The following PROP1 variants were observed in gnomAD, a reference collection of about 807,000 sequenced individuals.
The protein encoded by PROP1 is homeobox protein prophet of Pit-1.
In PROP1, 12 loss-of-function variants were observed where a neutral mutation model predicts 22.3. The ratio of observed to expected loss-of-function variants is 0.54; its 90% CI spans 0.34 to 0.87. The LOEUF (loss-of-function observed/expected upper bound fraction) is 0.87. Among genes scored for constraint, PROP1 ranks in the 40% least tolerant of loss-of-function variants. The pLI is 0.01. For missense variants in PROP1, 278 were observed against 295.1 expected, an observed-to-expected ratio of 0.94 and a Z score of 0.43; for synonymous variants, 112 against 116.7, an observed-to-expected ratio of 0.96 and a Z score of 0.26.
chr5:177,992,920 TA>T lies in PROP1; in HGVS notation c.469del (p.Tyr157ThrfsTer8), dbSNP rs1772690589. The T allele has an allele frequency of 6.2e-7, 1 of 1,613,288 alleles. No individual in the cohort carries two copies. Among genetic ancestry groups the T allele is most frequent in the Non-Finnish European group, 8.5e-7 (1 of 1,179,862 alleles). On this transcript the variant is annotated frameshift_variant, in exon 3 of 3. Transcript: ENST00000308304. LOFTEE classifies it high-confidence loss of function. ...GGTCACTGGTGGTGGTGGTGCTGCG[TA>T]AGAATAGGGGCAAGCAGTGGACTCT... ...LPESTACPYS[Y>X]AAPPPPVTCF...
intron 2 of PROP1, 129 bp from the exon 3 acceptor site, chr5:177,993,176 C>G (rs1772697057): frequency 1.2e-6 from 1 of 839,918 alleles, no homozygotes. Flanking sequence ...AAAGCTCTTC[C>G]ACAAGGCTTG....
At chr5:177,993,368 C>T (rs1396114359) in intron 2 of PROP1, among the ~76,000 whole-genome samples, 4 of 152,106 alleles carry the variant, frequency 2.6e-5, no homozygotes, top group East Asian at 1.9e-4. Context: ...TTAAGTTTAA[C>T]GATTAAGACT....
At chr5:177,994,937 C>G (rs1755728128) in intron 1 of PROP1, among the ~76,000 whole-genome samples, 1 of 152,132 alleles carries the variant, frequency 6.6e-6, no homozygotes, top group South Asian at 2.1e-4. Flanking sequence ...TATTGCACTG[C>G]CAGACACATA....
chr5:177,993,519 G>A (rs1346204383), intron 2 of PROP1, among the ~76,000 whole-genome samples: 1 of 151,916 alleles, frequency 6.6e-6, no homozygotes, highest in East Asian at 1.9e-4. Context: ...GCTTCTGTAA[G>A]AATATGGACA....
In PROP1 at chr5:177,995,902, T is replaced by G; in HGVS notation, c.32A>C (p.Lys11Thr). Residue 11 changes from lysine to threonine, a missense_variant, in exon 1 of 3, where the codon AAG becomes ACG. Transcript: ENST00000308304. MEAERRRQAE[K>T]PKKGRVGSNL... ...GCTGCCGACTCGCCCCTTCTTTGGCTTCTCAGCCTGGCGCCTCCTTTCTGC... is the reference window on the plus strand; with the variant it reads ...GCTGCCGACTCGCCCCTTCTTTGGCGTCTCAGCCTGGCGCCTCCTTTCTGC... 6.2e-7 allele frequency: 1 copy of G among 1,614,048 alleles called. No homozygotes were observed. Among genetic ancestry groups the G allele is most frequent in the African/African-American group, 1.3e-5 (1 of 75,046 alleles).
intron 2 of PROP1, 25 bp downstream of exon 2, chr5:177,994,079 TGA>T (rs1356921801): frequency 5.0e-6 from 8 of 1,609,520 alleles, no homozygotes; most frequent in Non-Finnish European, 6.0e-6. Context: ...ATTTCTTTCC[TGA>T]GAGAGGAGGA....
intron 1 of PROP1, among the ~76,000 whole-genome samples, chr5:177,995,206 C>T (rs544135433): frequency 1.5e-3 from 224 of 152,280 alleles, no homozygotes; most frequent in Middle Eastern, 6.8e-3. Flanking sequence ...TTCATCTCCT[C>T]CCTACCCCTG....
chr5:177,994,750 G>A lies in PROP1; in HGVS notation c.110-412C>T, dbSNP rs73807329. On this transcript the variant is annotated intron_variant, in intron 1 of 2. Coordinates refer to ENST00000308304, the MANE Select transcript of PROP1 (RefSeq NM_006261.5). ...CCACCGCACCCAGCCCTGCCCCACC[G>A]GGAATCTTTTAGCTGCCATAGCCTG... 2.5e-3 allele frequency among the ~76,000 whole-genome samples: 376 copies of A among 152,088 alleles called. 3 individuals carry two copies. Among genetic ancestry groups the A allele is most frequent in the African/African-American group, 8.5e-3 (353 of 41,500 alleles).
At chr5:177,993,270 A>G (rs996072336) in intron 2 of PROP1, among the ~76,000 whole-genome samples, 4 of 152,188 alleles carry the variant, frequency 2.6e-5, no homozygotes, top group Admixed American at 6.5e-5. Context: ...CACTCGGGGC[A>G]AGTAAGAAGT....
chr5:177,992,970 A>G lies in PROP1; in HGVS notation c.420T>C (p.Pro140=), dbSNP rs1167319896. Residue 140 remains proline, a synonymous_variant, in exon 3 of 3, where the codon CCT becomes CCC. Transcript: ENST00000308304. ...CTGGCAAGAAGCTGGAAAAGGCGGC[A>G]GGAGACAGATGGGCCAGAGGCTGAA... ...SLLQPLAHLS[P]AAFSSFLPES... The G allele has an allele frequency of 6.2e-7, 1 of 1,613,962 alleles. No homozygotes were observed. Among genetic ancestry groups the G allele is most frequent in the Non-Finnish European group, 8.5e-7 (1 of 1,180,016 alleles).
Position 177,992,315 on chromosome 5 carries a change from A to T in PROP1, c.*394T>A, listed in dbSNP as rs1772657723. 2 of 196,894 alleles carry T rather than the reference A, an allele frequency of 1.0e-5. No homozygotes were observed. Among genetic ancestry groups the T allele is most frequent in the Non-Finnish European group, 2.1e-5 (2 of 96,786 alleles). 12.2% of individuals were successfully genotyped at this position (196,894 alleles called of 1,614,324 possible). The stretch of plus-strand genomic sequence containing the variant: ...GGGGTGGGCAATGGGGAAGGGATGT[A>T]TAGGTAGACTCTTAAGTCAGAAGCC... On this transcript the variant is annotated 3_prime_UTR_variant, in exon 3 of 3. Coordinates refer to ENST00000308304, the MANE Select transcript of PROP1 (RefSeq NM_006261.5).
intron 1 of PROP1, 122 bp from the exon 2 acceptor site, chr5:177,994,460 CAG>C: frequency 8.5e-6 from 7 of 820,428 alleles, no homozygotes; most frequent in Non-Finnish European, 1.3e-5. Flanking sequence ...TTTTTTGAGA[CAG>C]AGTCTTGCTC....
Position 177,994,281 on chromosome 5 carries a change from A to G in PROP1, c.167T>C (p.Phe56Ser). 6.2e-7 allele frequency: 1 copy of G among 1,613,088 alleles called. No individual in the cohort carries two copies. Among genetic ancestry groups the G allele is most frequent in the Non-Finnish European group, 8.5e-7 (1 of 1,179,390 alleles). Reference protein sequence around the residue: ...LPGAGGGRSRFSPQGGQRGRP... With the variant: ...LPGAGGGRSRSSPQGGQRGRP... Reference sequence around the variant, plus strand: ...GCCCCTCTGTCCTCCTTGCGGGGAGAACCTTGATCTCCCCCCTCCTGCACC... The same window carrying G: ...GCCCCTCTGTCCTCCTTGCGGGGAGGACCTTGATCTCCCCCCTCCTGCACC... Residue 56 changes from phenylalanine (F) to serine (S), a missense_variant, in exon 2 of 3, where the codon TTC becomes TCC. Physicochemically the swap from Phe to Ser is radical, Grantham distance 155 (BLOSUM62 -2). Coordinates refer to ENST00000308304, the MANE Select transcript of PROP1 (RefSeq NM_006261.5).
chr5:177,993,060 AG>A lies in PROP1; in HGVS notation c.343-14del. On this transcript the variant is annotated splice_polypyrimidine_tract_variant and intron_variant, in intron 2 of 2. Transcript: ENST00000308304. ...TCTGGAACCAGACCTGAGAAGGGGT[AG>A]GAACCACATCAGAGCCCACACTTGA... 1 of 1,608,980 alleles carries A rather than the reference AG, an allele frequency of 6.2e-7. No individual in the cohort carries two copies.
intron 1 of PROP1, among the ~76,000 whole-genome samples, chr5:177,994,845 C>T (rs1377480344): frequency 1.3e-5 from 2 of 152,118 alleles, no homozygotes; most frequent in Non-Finnish European, 2.9e-5. Context: ...GTGCTGTCTA[C>T]ACAGGGCACA....
chr5:177,992,848 G>T lies in PROP1; in HGVS notation c.542C>A (p.Thr181Lys). 1 of 1,612,724 alleles carries T rather than the reference G, an allele frequency of 6.2e-7. No individual in the cohort carries two copies. Among genetic ancestry groups the T allele is most frequent in the Non-Finnish European group, 8.5e-7 (1 of 1,179,192 alleles). ...YSHALPSQPS[T>K]GGAFALSHQS... ...GTGTGACAAAGCAAAGGCGCCTCCTGTGGAGGGCTGGGAAGGGAGGGCATG... is the reference window on the plus strand; with the variant it reads ...GTGTGACAAAGCAAAGGCGCCTCCTTTGGAGGGCTGGGAAGGGAGGGCATG... The change falls in exon 3 of 3, where the codon ACA becomes AAA. Residue 181 changes from threonine to lysine, a missense_variant. Transcript: ENST00000308304.
intron 1 of PROP1, among the ~76,000 whole-genome samples, chr5:177,994,922 C>T (rs926606576): frequency 6.6e-6 from 1 of 152,148 alleles, no homozygotes; most frequent in Non-Finnish European, 1.5e-5. Flanking sequence ...TGTCTGCCCA[C>T]TTCCTATTGC....
rs1554182514 is a variant in PROP1 at position 177,994,291 on chromosome 5, T to TC, written c.156dup (p.Arg53GlufsTer58). On this transcript the variant is annotated frameshift_variant, in exon 2 of 3. Coordinates refer to ENST00000308304, the MANE Select transcript of PROP1 (RefSeq NM_006261.5). LOFTEE classifies it high-confidence loss of function. ...CCTCCTTGCGGGGAGAACCTTGATC[T>TC]CCCCCCTCCTGCACCAGGGAGCCTT... 3.1e-6 allele frequency: 5 copies of TC among 1,611,800 alleles called. No homozygotes were observed. The highest frequency in any genetic ancestry group is 4.2e-6 in the Non-Finnish European group (5 of 1,178,734).
Position 177,992,522 on chromosome 5 carries a change from C to A in PROP1, c.*187G>T. The A allele has an allele frequency of 3.4e-6, 2 of 594,460 alleles. No homozygotes were observed. Among genetic ancestry groups the A allele is most frequent in the East Asian group, 5.5e-5 (2 of 36,092 alleles). The allele number at this position is 594,460 out of a possible 1,614,324, so 36.8% of individuals were successfully genotyped here. On this transcript the variant is annotated 3_prime_UTR_variant, in exon 3 of 3. Coordinates refer to ENST00000308304, the MANE Select transcript of PROP1 (RefSeq NM_006261.5). ...CTGTCTCTTCCAGTAGCTCACCTCC[C>A]CAGACTTCCTCCACTAATCACCCCA...
Sources: allele counts gnomAD v4.1 joint callset (sites outside exome capture counted in the v4.1 genomes callset), GRCh38; gene constraint gnomAD v4.1.1; transcripts MANE v1.5; gene names NCBI Gene and HGNC (gene_info 2026-07-23, HGNC 2026-07-21).